Variants in KANSL1L observed in about 807,000 individuals in gnomAD.
KANSL1L encodes KAT8 regulatory NSL complex subunit 1 like.
KANSL1L carries 25 observed loss-of-function variants against 108.6 expected under a neutral mutation model. The observed-to-expected ratio is 0.23, with a 90% CI of 0.17 to 0.32. The LOEUF (loss-of-function observed/expected upper bound fraction) is 0.32. Among genes scored for constraint, KANSL1L ranks in the 10% least tolerant of loss-of-function variants. KANSL1L has a pLI of 1.00. For missense variants in KANSL1L, 1,137 were observed against 1,125.7 expected (o/e 1.01, Z -0.14); for synonymous variants, 405 against 395.1 (o/e 1.03, Z -0.30).
intron 2 of KANSL1L, among the ~76,000 whole-genome samples, chr2:210,134,936 A>G (rs1575594617): frequency 6.6e-6 from 1 of 152,130 alleles, no homozygotes; most frequent in Non-Finnish European, 1.5e-5. Flanking sequence ...ATACAGTCAC[A>G]AAGAATCATA....
intron 1 of KANSL1L, among the ~76,000 whole-genome samples, chr2:210,160,254 G>A (rs1359866826): frequency 6.6e-6 from 1 of 152,014 alleles, no homozygotes; most frequent in African/African-American, 2.4e-5. Context: ...AAGACTGAAT[G>A]TTTCTGCCCT....
At chr2:210,080,693 C>A (rs1012555860) in intron 5 of KANSL1L, among the ~76,000 whole-genome samples, 1 of 152,182 alleles carries the variant, frequency 6.6e-6, no homozygotes. Flanking sequence ...TATAGTTCAA[C>A]AACATATAGC....
intron 12 of KANSL1L, among the ~76,000 whole-genome samples, chr2:210,025,753 C>G (rs757362233): frequency 6.6e-6 from 1 of 152,094 alleles, no homozygotes; most frequent in African/African-American, 2.4e-5. Flanking sequence ...CTCTGTCGCC[C>G]AGGCTGTAGT....
chr2:210,028,946 T>C lies in KANSL1L; in HGVS notation c.2295A>G (p.Arg765=), dbSNP rs1357857380. 6.2e-7 allele frequency: 1 copy of C among 1,611,296 alleles called. No individual in the cohort carries two copies. Among genetic ancestry groups the C allele is most frequent in the Admixed American group, 1.7e-5 (1 of 59,722 alleles). Residue 765 remains arginine (R), a synonymous_variant, in exon 11 of 15, where the codon AGA becomes AGG. Transcript: ENST00000281772. ...SSRNTARRRL[R]SESSYDIDNI... Reference sequence around the variant, plus strand: ...TATCTATGTCATAAGAGCTCTCACTTCTCAATCTCCGTCGTGCAGTATTCT... The same window carrying C: ...TATCTATGTCATAAGAGCTCTCACTCCTCAATCTCCGTCGTGCAGTATTCT...
chr2:210,028,838 T>C lies in KANSL1L; in HGVS notation c.2396+7A>G, dbSNP rs766724105. The C allele has an allele frequency of 3.7e-5, 58 of 1,569,266 alleles. No homozygotes were observed. ...GAAGAAAAATATGAAGATGTAAGTA[T>C]ACATACCTTGGAGTAAGTATTTCCT... is the stretch of plus-strand genomic sequence containing the variant. On this transcript the variant is annotated splice_region_variant and intron_variant, in intron 11 of 14. Transcript: ENST00000281772.
chr2:210,147,751 T>C (rs1436812915), intron 2 of KANSL1L, among the ~76,000 whole-genome samples: 1 of 152,198 alleles, frequency 6.6e-6, no homozygotes, highest in Non-Finnish European at 1.5e-5. Context: ...AAGTTACTCT[T>C]GTTTGCAATT....
chr2:210,109,172 G>C (rs1406122326), intron 3 of KANSL1L, among the ~76,000 whole-genome samples: 1 of 151,864 alleles, frequency 6.6e-6, no homozygotes, highest in Non-Finnish European at 1.5e-5. Context: ...TAGAAAAACA[G>C]GTATTCTACT....
intron 7 of KANSL1L, among the ~76,000 whole-genome samples, chr2:210,042,046 T>A (rs1271239459): frequency 6.6e-6 from 1 of 152,242 alleles, no homozygotes; most frequent in Non-Finnish European, 1.5e-5. Flanking sequence ...CATTTGTTTC[T>A]CCAAAGCAAT....
intron 6 of KANSL1L, among the ~76,000 whole-genome samples, chr2:210,067,409 G>A (rs984738929): frequency 2.6e-5 from 4 of 152,038 alleles, no homozygotes; most frequent in South Asian, 2.1e-4. Context: ...AAGAATAGAT[G>A]TATGTTAGTC....
chr2:210,111,087 G>A (rs112268992), intron 3 of KANSL1L, among the ~76,000 whole-genome samples: 2,369 of 151,968 alleles, frequency 0.016, 32 homozygotes, highest in Non-Finnish European at 0.023. Flanking sequence ...ACTCCAGCCT[G>A]GCCAACAGAG....
At chr2:210,130,051 G>A (rs1575587285) in intron 2 of KANSL1L, among the ~76,000 whole-genome samples, 1 of 148,644 alleles carries the variant, frequency 6.7e-6, no homozygotes, top group East Asian at 2.0e-4. Context: ...ATGACTTAAT[G>A]ACAACATGTA....
chr2:210,033,669 A>G (rs1575377670), intron 8 of KANSL1L, among the ~76,000 whole-genome samples: 2 of 149,804 alleles, frequency 1.3e-5, no homozygotes, highest in African/African-American at 2.4e-5. Flanking sequence ...AGCTGGGACT[A>G]CAGGTGGCTG....
At chr2:210,146,600 A>C (rs1168046809) in intron 2 of KANSL1L, among the ~76,000 whole-genome samples, 5 of 152,178 alleles carry the variant, frequency 3.3e-5, no homozygotes, top group African/African-American at 1.2e-4. Flanking sequence ...ATTATATAGA[A>C]GTCTCGAAGA....
At chr2:210,105,373 A>AT (rs2094836820) in intron 3 of KANSL1L, among the ~76,000 whole-genome samples, 5 of 145,868 alleles carry the variant, frequency 3.4e-5, no homozygotes, top group Non-Finnish European at 7.5e-5. Context: ...ATTTGAAAAA[A>AT]AATATATATA....
At chr2:210,170,413 C>T in intron 1 of KANSL1L, 2 of 984,276 alleles carry the variant, frequency 2.0e-6, no homozygotes, top group Non-Finnish European at 2.4e-6. Context: ...CCATCCAGTG[C>T]CTGCCCTCCC....
chr2:210,170,015 G>A (rs866349084), intron 1 of KANSL1L, among the ~76,000 whole-genome samples: 2 of 152,302 alleles, frequency 1.3e-5, no homozygotes, highest in Middle Eastern at 3.4e-3. Context: ...ACATCAGAGA[G>A]GTGACTAACC....
intron 5 of KANSL1L, among the ~76,000 whole-genome samples, chr2:210,083,696 G>A (rs1469430986): frequency 1.3e-5 from 2 of 151,820 alleles, no homozygotes; most frequent in African/African-American, 4.8e-5. Context: ...GGGCGAGGTG[G>A]TGGGCATCTG....
chr2:210,100,215 C>CTAGATCATTATAAGGCA (rs1276086792), intron 4 of KANSL1L, among the ~76,000 whole-genome samples: 1 of 152,090 alleles, frequency 6.6e-6, no homozygotes, highest in Admixed American at 6.6e-5. Context: ...GTTGCTGCTC[C>CTAGATCATTATAAGGCA]TTATAAGACT....
At position 210,164,951 on chromosome 2, in the gene KANSL1L, C is replaced by T. The variant is rs543259115; in HGVS notation, c.-30+6198G>A. ...CACAATCTCAGCTCACTGCAACTTC[C>T]GCTTCCTGGGTTCAAGCGATTCTCC... is the stretch of plus-strand genomic sequence containing the variant. On this transcript the variant is annotated intron_variant, in intron 1 of 14. Transcript: ENST00000281772. Among the ~76,000 whole-genome samples, 15 of 150,638 alleles carry T rather than the reference C, an allele frequency of 1.0e-4. No individual in the cohort carries two copies. The East Asian group carries it at 1.8e-3, about 18-fold the overall frequency.
Sources: gnomAD v4.1 joint callset for allele counts (sites outside exome capture counted in the v4.1 genomes callset) on GRCh38, gnomAD v4.1.1 for gene constraint, MANE v1.5 for transcripts, NCBI Gene and HGNC (gene_info 2026-07-23, HGNC 2026-07-21) for gene names.